Variants in NXPE2 observed in about 807,000 individuals in gnomAD.
The protein encoded by NXPE2 is NXPE family member 2.
In NXPE2, 34 loss-of-function variants were observed where a neutral mutation model predicts 34.4. The ratio of observed to expected loss-of-function variants is 0.99; its 90% CI spans 0.75 to 1.31. NXPE2 has a LOEUF of 1.31. NXPE2 is among the 40% of genes most tolerant of loss of function. NXPE2 has a pLI of 0.00. For synonymous variants in NXPE2, 235 were observed against 231.3 expected (o/e 1.02, Z -0.15); for missense variants, 649 against 672.5 (o/e 0.97, Z 0.39).
the NXPE2 span, among the ~76,000 whole-genome samples, chr11:114,469,841 C>T: frequency 2.6e-5 from 4 of 152,162 alleles, no homozygotes; most frequent in Non-Finnish European, 5.9e-5. Context: ...TCCCTCCTTC[C>T]ACACACTTCA....
chr11:114,522,350 C>G, the NXPE2 span: 2 of 1,613,974 alleles, frequency 1.2e-6, no homozygotes, highest in Non-Finnish European at 1.7e-6. Flanking sequence ...GTCAATTTCC[C>G]GAGGGATATA....
At chr11:114,603,439 G>C in the NXPE2 span, among the ~76,000 whole-genome samples, 3 of 151,066 alleles carry the variant, frequency 2.0e-5, no homozygotes, top group African/African-American at 7.3e-5. Context: ...TCGTCTCCTA[G>C]GTAAATTCCA....
chr11:114,801,293 G>A, the NXPE2 span, among the ~76,000 whole-genome samples: 66 of 152,332 alleles, frequency 4.3e-4, 1 homozygote, highest in Admixed American at 3.6e-3. Context: ...AGTCTTCTCT[G>A]AGGCATTGGA....
chr11:114,761,041 G>A, the NXPE2 span, among the ~76,000 whole-genome samples: 7 of 152,114 alleles, frequency 4.6e-5, no homozygotes, highest in African/African-American at 1.7e-4. Context: ...CTATTTTCTT[G>A]TCAAGTGCAG....
the NXPE2 span, among the ~76,000 whole-genome samples, chr11:114,474,671 A>T: frequency 1.3e-5 from 2 of 152,202 alleles, no homozygotes; most frequent in Non-Finnish European, 2.9e-5. Flanking sequence ...AGCAGCAAGT[A>T]TAGATATTAA....
At chr11:114,580,256 C>T in the NXPE2 span, 1 of 1,614,032 alleles carries the variant, frequency 6.2e-7, no homozygotes, top group Non-Finnish European at 8.5e-7. Flanking sequence ...AGACAGGATT[C>T]CATGTGTTTC....
At chr11:114,594,588 T>C in the NXPE2 span, 1 of 915,384 alleles carries the variant, frequency 1.1e-6, no homozygotes, top group Non-Finnish European at 1.8e-6. Context: ...GTCTTGTAGT[T>C]TAGCCTTTCC....
chr11:114,637,959 G>A, the NXPE2 span, among the ~76,000 whole-genome samples: 38 of 151,696 alleles, frequency 2.5e-4, no homozygotes, highest in Non-Finnish European at 4.4e-4. Context: ...TGCTCTTCTC[G>A]AGGAGTATCT....
the NXPE2 span, among the ~76,000 whole-genome samples, chr11:114,743,588 A>T: frequency 6.6e-6 from 1 of 152,102 alleles, no homozygotes; most frequent in Non-Finnish European, 1.5e-5. Flanking sequence ...AATAATGTAG[A>T]TGCTATTGCC....
In NXPE2 at chr11:114,698,772, T is replaced by G. The variant is rs755501535; in HGVS notation, c.860T>G (p.Phe287Cys). 6.5e-7 allele frequency: 1 copy of G among 1,549,290 alleles called. No individual in the cohort carries two copies. Among genetic ancestry groups the G allele is most frequent in the Non-Finnish European group, 8.7e-7 (1 of 1,148,926 alleles). Reference protein sequence around the residue: ...SYLSKEEWRLFHRSNIGVEMM... With the variant: ...SYLSKEEWRLCHRSNIGVEMM... ...CTTAGCAAGGAAGAATGGAGGCTTT[T>G]CCACAGGTAAAGAGGCTTTTAAATA... is the stretch of plus-strand genomic sequence containing the variant. The change falls in exon 3 of 6, where the codon TTC becomes TGC. Residue 287 changes from phenylalanine to cysteine, a missense_variant. Phe to Cys is a radical substitution (Grantham distance 205). Transcript: ENST00000389586.
At chr11:114,650,908 C>G in the NXPE2 span, among the ~76,000 whole-genome samples, 1 of 152,066 alleles carries the variant, frequency 6.6e-6, no homozygotes, top group South Asian at 2.1e-4. Context: ...GGTGGAGGGG[C>G]AGCCTGGTAA....
chr11:114,808,603 A>G, the NXPE2 span, among the ~76,000 whole-genome samples: 1 of 110,542 alleles, frequency 9.0e-6, no homozygotes, highest in African/African-American at 3.3e-5. Flanking sequence ...GAAGAAATGG[A>G]TAAATTCCTC....
the NXPE2 span, among the ~76,000 whole-genome samples, chr11:114,795,165 C>G: frequency 6.6e-6 from 1 of 152,142 alleles, no homozygotes; most frequent in Admixed American, 6.5e-5. Context: ...TGTATATTGA[C>G]AATCCTGGGA....
At chr11:114,811,404 A>T in the NXPE2 span, among the ~76,000 whole-genome samples, 2 of 152,092 alleles carry the variant, frequency 1.3e-5, no homozygotes, top group African/African-American at 4.8e-5. Context: ...CACAAAAAAA[A>T]GGTAGGGATA....
the NXPE2 span, among the ~76,000 whole-genome samples, chr11:114,766,777 A>C: frequency 6.6e-6 from 1 of 152,098 alleles, no homozygotes; most frequent in Non-Finnish European, 1.5e-5. Context: ...CTGCTAGTGA[A>C]TTATTTAATA....
the NXPE2 span, chr11:114,581,614 G>C: frequency 1.2e-6 from 1 of 846,430 alleles, no homozygotes; most frequent in Non-Finnish European, 1.9e-6. Context: ...AGATAAGCCA[G>C]ATGAACAGAG....
chr11:114,621,285 G>A, the NXPE2 span, among the ~76,000 whole-genome samples: 23 of 150,782 alleles, frequency 1.5e-4, no homozygotes, highest in South Asian at 1.5e-3. Flanking sequence ...ACTGTTATCC[G>A]GTGGATAACA....
chr11:114,497,029 A>G, the NXPE2 span, among the ~76,000 whole-genome samples: 1 of 152,160 alleles, frequency 6.6e-6, no homozygotes, highest in Non-Finnish European at 1.5e-5. Flanking sequence ...TTCAGAGTGT[A>G]CTTTTTCTAC....
rs1342838065 is a variant in NXPE2, at chr11:114,705,888, T to C, written c.1036T>C (p.Phe346Leu). The C allele has an allele frequency of 1.3e-6, 2 of 1,543,296 alleles. No homozygotes were observed. Among genetic ancestry groups the C allele is most frequent in the Non-Finnish European group, 8.7e-7 (1 of 1,142,968 alleles). The change falls in exon 5 of 6, where the codon TTC becomes CTC. Residue 346 changes from phenylalanine to leucine, a missense_variant. Transcript: ENST00000389586. ...TACAGCATTTTGTAAACAGATCAAGTTCAATGAAACAAAAAATATAAATGA... is the reference window on the plus strand; with the variant it reads ...TACAGCATTTTGTAAACAGATCAAGCTCAATGAAACAAAAAATATAAATGA... ...WITAFCKQIK[F>L]NETKNINDCL... is the part of the protein sequence containing the mutation.
Sources: allele counts gnomAD v4.1 joint callset (sites outside exome capture counted in the v4.1 genomes callset), GRCh38; gene constraint gnomAD v4.1.1; transcripts MANE v1.5; gene names NCBI Gene and HGNC (gene_info 2026-07-23, HGNC 2026-07-21).